PPP6R3: variants seen among roughly 807,000 people sequenced by gnomAD.
PPP6R3 encodes the protein protein phosphatase 6 regulatory subunit 3.
Under a neutral mutation model 110.7 loss-of-function variants are expected in PPP6R3, and 38 were observed. The ratio of observed to expected loss-of-function variants is 0.34; its 90% CI spans 0.26 to 0.45. PPP6R3 has a LOEUF of 0.45. PPP6R3 is among the 20% of genes least tolerant of loss of function. PPP6R3 has a pLI of 1.00. For synonymous variants in PPP6R3, 369 were observed against 373.5 expected (o/e 0.99, Z 0.14); for missense variants, 870 against 1,062.4 (o/e 0.82, Z 2.52).
rs542799674 is a variant in PPP6R3 at position 68,610,281 on chromosome 11, A to G, written c.2570+258A>G. Among the ~76,000 whole-genome samples the G allele has an allele frequency of 3.3e-5, 5 of 152,302 alleles. No homozygotes were observed. In the East Asian group the frequency reaches 9.7e-4, roughly 29 times the overall value. On this transcript the variant is annotated intron_variant, in intron 23 of 23. Transcript: ENST00000393800. Reference sequence around the variant, plus strand: ...ACTCTTTAACATCACTCGCTCTTTTAGAAGTGGCTCCGAACAGAGGGGTCT... The same window carrying G: ...ACTCTTTAACATCACTCGCTCTTTTGGAAGTGGCTCCGAACAGAGGGGTCT...
At chr11:68,578,218 T>G (rs531018840) in intron 14 of PPP6R3, among the ~76,000 whole-genome samples, 3 of 152,322 alleles carry the variant, frequency 2.0e-5, no homozygotes, top group East Asian at 3.9e-4. Context: ...GTGTTCAAGC[T>G]GTATCTCAGT....
chr11:68,508,725 A>G (rs1318710378), intron 1 of PPP6R3, among the ~76,000 whole-genome samples: 1 of 152,006 alleles, frequency 6.6e-6, no homozygotes, highest in Non-Finnish European at 1.5e-5. Context: ...CATTCTCTTT[A>G]TTGGTGTTAT....
intron 20 of PPP6R3, among the ~76,000 whole-genome samples, chr11:68,601,659 C>T (rs543387984): frequency 2.6e-5 from 4 of 152,162 alleles, no homozygotes; most frequent in Non-Finnish European, 5.9e-5. Context: ...CTTAACAGAA[C>T]ATTTGCCTGC....
At chr11:68,543,285 C>T (rs1272683384) in intron 3 of PPP6R3, among the ~76,000 whole-genome samples, 1 of 152,120 alleles carries the variant, frequency 6.6e-6, no homozygotes, top group Non-Finnish European at 1.5e-5. Flanking sequence ...CTGCATCAGC[C>T]CACTCCTGGG....
chr11:68,506,674 A>C (rs2153509727), intron 1 of PPP6R3, among the ~76,000 whole-genome samples: 1 of 152,250 alleles, frequency 6.6e-6, no homozygotes, highest in East Asian at 1.9e-4. Context: ...CTCAAAGAAA[A>C]AAAACCCTTT....
At position 68,489,594 on chromosome 11, in the gene PPP6R3, T is replaced by G. The variant is rs1217066252; in HGVS notation, c.-158+28767T>G. Among the ~76,000 whole-genome samples the G allele has an allele frequency of 2.1e-5, 3 of 146,194 alleles. No homozygotes were observed. In the East Asian group the frequency reaches 5.9e-4, roughly 29 times the overall value. ...TGTGTGTGTGTTTTAATGAACAAATTGAAGGTTTATGGCAACCCCGTATTT... is the reference window on the plus strand; with the variant it reads ...TGTGTGTGTGTTTTAATGAACAAATGGAAGGTTTATGGCAACCCCGTATTT... On this transcript the variant is annotated intron_variant, in intron 1 of 23. Transcript: ENST00000393800.
In PPP6R3 at chr11:68,613,061, C is replaced by T; in HGVS notation, c.2571-5C>T. The T allele has an allele frequency of 6.2e-7, 1 of 1,614,102 alleles. No individual in the cohort carries two copies. Among genetic ancestry groups the T allele is most frequent in the South Asian group, 1.1e-5 (1 of 91,072 alleles). On this transcript the variant is annotated splice_polypyrimidine_tract_variant and splice_region_variant and intron_variant, in intron 23 of 23. Coordinates refer to ENST00000393800, the MANE Select transcript of PPP6R3 (RefSeq NM_001164161.2). ...TGCCTCCGATGCCTGTCTGTTGCTC[C>T]TTAGGACTGGCCAACCAAGCGCACC...
intron 18 of PPP6R3, among the ~76,000 whole-genome samples, chr11:68,595,210 T>TA (rs1177973377): frequency 1.6e-5 from 1 of 64,176 alleles, no homozygotes; most frequent in Non-Finnish European, 3.0e-5. Context: ...ATTTTTTTTT[T>TA]TTTTTTTTTT....
intron 1 of PPP6R3, among the ~76,000 whole-genome samples, chr11:68,506,273 T>A (rs1309611605): frequency 1.3e-5 from 2 of 151,276 alleles, no homozygotes; most frequent in Non-Finnish European, 3.0e-5. Context: ...GCCTGGCTAA[T>A]TTTTATATTT....
intron 1 of PPP6R3, among the ~76,000 whole-genome samples, chr11:68,464,883 C>CTTT (rs35642999): frequency 7.1e-6 from 1 of 140,134 alleles, no homozygotes; most frequent in Admixed American, 7.2e-5. Context: ...CCAGCTTCAA[C>CTTT]TTTTTTTTTT....
intron 14 of PPP6R3, among the ~76,000 whole-genome samples, chr11:68,581,995 TA>T (rs1368348290): frequency 6.6e-6 from 1 of 152,222 alleles, no homozygotes; most frequent in African/African-American, 2.4e-5. Flanking sequence ...CTCAGAATTT[TA>T]CAAGACATAC....
At chr11:68,471,859 G>A (rs917897410) in intron 1 of PPP6R3, among the ~76,000 whole-genome samples, 1 of 152,028 alleles carries the variant, frequency 6.6e-6, no homozygotes, top group African/African-American at 2.4e-5. Context: ...CTCCCTGGTA[G>A]GAGGAGGGAG....
intron 1 of PPP6R3, among the ~76,000 whole-genome samples, chr11:68,471,504 C>A (rs1380254393): frequency 6.6e-6 from 1 of 152,058 alleles, no homozygotes; most frequent in African/African-American, 2.4e-5. Flanking sequence ...AGGACCAAGA[C>A]TCGTCTCATG....
Position 68,542,389 on chromosome 11 carries a change from G to GTTTTTTTTTTTTTTTTT in PPP6R3, c.228-2443_228-2427dup. Among the ~76,000 whole-genome samples, 138 of 40,204 alleles carry GTTTTTTTTTTTTTTTTT rather than the reference G, an allele frequency of 3.4e-3. 44 individuals carry two copies. The highest frequency in any genetic ancestry group is 0.012 in the East Asian group (12 of 986). 26.4% of individuals were successfully genotyped at this position (40,204 alleles called of 152,430 possible). On this transcript the variant is annotated intron_variant, in intron 3 of 23. Transcript: ENST00000393800. ...ATCTTTGGGTGCTTGAGAAGCTGCT[G>GTTTTTTTTTTTTTTTTT]TTTTTTTTTTTTTTTTTTTTTTAAG...
In PPP6R3 at chr11:68,544,831, C is replaced by A; in HGVS notation, c.228-7C>A. On this transcript the variant is annotated splice_polypyrimidine_tract_variant and splice_region_variant and intron_variant, in intron 3 of 23. Transcript: ENST00000393800. ...AAGATGATGATGTAAATATCCTGTT[C>A]TTCTAGGTATCCAAATATATCTTGT... The A allele has an allele frequency of 6.4e-7, 1 of 1,565,930 alleles. No individual in the cohort carries two copies. The highest frequency in any genetic ancestry group is 1.1e-5 in the South Asian group (1 of 88,158).
At chr11:68,506,584 A>T (rs896357390) in intron 1 of PPP6R3, among the ~76,000 whole-genome samples, 3 of 152,120 alleles carry the variant, frequency 2.0e-5, no homozygotes, top group African/African-American at 7.2e-5. Flanking sequence ...TTGTGGGAAG[A>T]AAATTGGAAA....
chr11:68,588,694 C>T (rs963777303), intron 16 of PPP6R3, among the ~76,000 whole-genome samples: 3 of 150,886 alleles, frequency 2.0e-5, no homozygotes, highest in Admixed American at 1.3e-4. Context: ...ATCCGCCTGC[C>T]TCGGCTTCCC....
intron 1 of PPP6R3, among the ~76,000 whole-genome samples, chr11:68,508,501 C>A (rs1347378524): frequency 1.3e-5 from 2 of 152,096 alleles, no homozygotes; most frequent in East Asian, 3.9e-4. Flanking sequence ...TTTTCCTAGA[C>A]TATAAAACAG....
rs944886169 is a variant in PPP6R3, at chr11:68,615,272, T to A, written c.*2155T>A. ...TACTGAATTATGAGACTAACAGATG[T>A]CTACAATACAATACCTGTATTCAAA... On this transcript the variant is annotated 3_prime_UTR_variant, in exon 24 of 24. Transcript: ENST00000393800. 8 of 359,606 alleles carry A rather than the reference T, an allele frequency of 2.2e-5. No homozygotes were observed. The highest frequency in any genetic ancestry group is 1.3e-4 in the African/African-American group (6 of 46,808). The allele number at this position is 359,606 out of a possible 1,614,324, so 22.3% of individuals were successfully genotyped here. A position where few individuals can be genotyped will look rare whatever the true frequency, so the allele number is the denominator to read the frequency against.
Sources: gnomAD v4.1 joint callset for allele counts (sites outside exome capture counted in the v4.1 genomes callset) on GRCh38, gnomAD v4.1.1 for gene constraint, MANE v1.5 for transcripts, NCBI Gene and HGNC (gene_info 2026-07-23, HGNC 2026-07-21) for gene names.